Variants in RNF128 observed in about 807,000 individuals in gnomAD.
RNF128 encodes ring finger protein 128.
Under a neutral mutation model 26.2 loss-of-function variants are expected in RNF128, and 13 were observed. The observed-to-expected ratio is 0.50, with a 90% confidence interval of 0.32 to 0.79. The LOEUF is 0.79. Ranked by LOEUF, RNF128 falls within the 30% of genes least tolerant of loss-of-function variation. RNF128 has a pLI of 0.03. For synonymous variants in RNF128, 149 were observed against 142.5 expected (o/e 1.05, Z -0.32); for missense variants, 315 against 349.7 (o/e 0.90, Z 0.79).
chrX:106,791,083 A>T lies in RNF128; in HGVS notation c.1002A>T (p.Gly334=). The change falls in exon 6 of 7, where the codon GGA becomes GGT. Residue 334 remains glycine (G), a synonymous_variant. Coordinates refer to ENST00000255499, the MANE Select transcript of RNF128 (RefSeq NM_194463.2). ...ALGIEVDVED[G]SVSLQVPVSN... ...CTTTAAAGGTGGATGTTGAAGATGGATCAGTGTCTTTACAAGTCCCTGTAT... is the reference window on the plus strand; with the variant it reads ...CTTTAAAGGTGGATGTTGAAGATGGTTCAGTGTCTTTACAAGTCCCTGTAT... 1 of 1,207,530 alleles carries T rather than the reference A, an allele frequency of 8.3e-7. No homozygotes were observed. The highest frequency in any genetic ancestry group is 1.1e-6 in the Non-Finnish European group (1 of 892,722).
chrX:106,765,750 C>G lies in RNF128; in HGVS notation c.485-7163C>G, dbSNP rs181426900. 2.3e-3 allele frequency among the ~76,000 whole-genome samples: 251 copies of G among 111,133 alleles called. 3 individuals carry two copies. The East Asian group carries it at 0.047, about 21-fold the overall frequency. On this transcript the variant is annotated intron_variant, in intron 1 of 6. Transcript: ENST00000255499. ...TTATTATTATACTTTAAGTTCTAGGCTACATGTGCACAACATGCAGGTTTG... is the reference window on the plus strand; with the variant it reads ...TTATTATTATACTTTAAGTTCTAGGGTACATGTGCACAACATGCAGGTTTG...
chrX:106,786,324 G>A (rs2147701255), intron 3 of RNF128, among the ~76,000 whole-genome samples: 1 of 111,627 alleles, frequency 9.0e-6, no homozygotes, highest in East Asian at 2.8e-4. Flanking sequence ...AATGAAGAAA[G>A]GATAGCCTTT....
chrX:106,763,256 A>G (rs1930148472), intron 1 of RNF128, among the ~76,000 whole-genome samples: 1 of 110,644 alleles, frequency 9.0e-6, no homozygotes, highest in Non-Finnish European at 1.9e-5. Flanking sequence ...CTATATTAAG[A>G]CAGCAGAAAT....
chrX:106,707,781 T>G (rs1929067827), intron 1 of RNF128, among the ~76,000 whole-genome samples: 1 of 110,178 alleles, frequency 9.1e-6, no homozygotes, highest in Non-Finnish European at 1.9e-5. Context: ...CTTTGAGTCC[T>G]TGTTAAAAAG....
chrX:106,773,453 TC>T (rs1930412181), intron 2 of RNF128, among the ~76,000 whole-genome samples: 1 of 112,070 alleles, frequency 8.9e-6, no homozygotes, highest in African/African-American at 3.2e-5. Flanking sequence ...AACATTTTTT[TC>T]TAAATTACAA....
At chrX:106,729,024 G>T (rs974900765) in intron 1 of RNF128, among the ~76,000 whole-genome samples, 2 of 111,569 alleles carry the variant, frequency 1.8e-5, no homozygotes, top group Non-Finnish European at 3.8e-5. Flanking sequence ...TAATAGCAAG[G>T]GTTTGACTTT....
rs1929410799 is a variant in RNF128, at chrX:106,726,976, G to A, written c.63G>A (p.Leu21=). The A allele has an allele frequency of 5.8e-6, 7 of 1,196,746 alleles. No individual in the cohort carries two copies. The highest frequency in any genetic ancestry group is 7.9e-6 in the Non-Finnish European group (7 of 888,860). Reference sequence around the variant, plus strand: ...GTGGCTGCGGCTTTTCCAGATTGCTGGCATGGTGCTTCCTGCTGGCCCTGA... The same window carrying A: ...GTGGCTGCGGCTTTTCCAGATTGCTAGCATGGTGCTTCCTGCTGGCCCTGA... ...CRGGCGFSRL[L]AWCFLLALSP... The change falls in exon 1 of 7, where the codon CTG becomes CTA. Residue 21 remains leucine, a synonymous_variant. Coordinates refer to ENST00000255499, the MANE Select transcript of RNF128 (RefSeq NM_194463.2).
chrX:106,788,584 C>T (rs1325477045), intron 4 of RNF128, among the ~76,000 whole-genome samples: 2 of 51,437 alleles, frequency 3.9e-5, no homozygotes, highest in East Asian at 6.9e-4. Context: ...ATATATCTTA[C>T]ATAGTATATT....
At chrX:106,788,334 C>A (rs768732397) in intron 4 of RNF128, among the ~76,000 whole-genome samples, 50 of 43,713 alleles carry the variant, frequency 1.1e-3, no homozygotes, top group African/African-American at 3.1e-3. Flanking sequence ...ATTATATATA[C>A]TATATATAAT....
chrX:106,701,510 T>C (rs1928956161), intron 1 of RNF128, among the ~76,000 whole-genome samples: 1 of 111,796 alleles, frequency 8.9e-6, no homozygotes, highest in South Asian at 3.8e-4. Context: ...ATCCAATAGT[T>C]TACTGTTAGC....
Position 106,773,071 on chromosome X carries a change from T to G in RNF128, c.643T>G (p.Phe215Val). 8.3e-7 allele frequency: 1 copy of G among 1,210,515 alleles called. No homozygotes were observed. Among genetic ancestry groups the G allele is most frequent in the South Asian group, 1.8e-5 (1 of 56,944 alleles). Reference sequence around the variant, plus strand: ...TTCAATTTTTTTCGTTTCTGTGTCCTTTTTTATTATTACGGCGGCAACTGT... The same window carrying G: ...TTCAATTTTTTTCGTTTCTGTGTCCGTTTTTATTATTACGGCGGCAACTGT... ...HYSIFFVSVS[F>V]FIITAATVGY... The change falls in exon 2 of 7, where the codon TTT (phenylalanine) becomes GTT (valine). Residue 215 changes from phenylalanine to valine, a missense_variant. By Grantham distance (50) the Phe-to-Val change is conservative (BLOSUM62 -1). Coordinates refer to ENST00000255499, the MANE Select transcript of RNF128 (RefSeq NM_194463.2).
At chrX:106,754,303 T>C (rs1396203012) in intron 1 of RNF128, among the ~76,000 whole-genome samples, 2 of 108,255 alleles carry the variant, frequency 1.8e-5, no homozygotes, top group Non-Finnish European at 3.8e-5. Flanking sequence ...CACTGCAGCC[T>C]AAACCTACCA....
At chrX:106,707,538 T>A (rs1929063317) in intron 1 of RNF128, among the ~76,000 whole-genome samples, 1 of 111,300 alleles carries the variant, frequency 9.0e-6, no homozygotes, top group Admixed American at 9.6e-5. Context: ...ATAAATAAAT[T>A]ATTTTTTAAA....
chrX:106,722,185 A>G (rs1170563772), upstream of RNF128, among the ~76,000 whole-genome samples: 1 of 110,633 alleles, frequency 9.0e-6, no homozygotes, highest in African/African-American at 3.3e-5. Flanking sequence ...GTGAAACTAT[A>G]CTTAAATTAA....
chrX:106,795,768 G>A lies in RNF128; in HGVS notation c.*55G>A. ...TAGTAATAACAGAACTGCCAATCAG[G>A]GCCTAGTTTCTATTAATAAATTGGA... On this transcript the variant is annotated 3_prime_UTR_variant, in exon 7 of 7. Coordinates refer to ENST00000255499, the MANE Select transcript of RNF128 (RefSeq NM_194463.2). 4.1e-6 allele frequency: 4 copies of A among 978,956 alleles called. No homozygotes were observed. Among genetic ancestry groups the A allele is most frequent in the South Asian group, 5.8e-5 (2 of 34,240 alleles). 80.7% of individuals were successfully genotyped at this position (978,956 alleles called of 1,213,427 possible). A position where few individuals can be genotyped will look rare whatever the true frequency, so the allele number is the denominator to read the frequency against.
At chrX:106,783,332 A>G (rs747566953) in intron 2 of RNF128, among the ~76,000 whole-genome samples, 6 of 111,958 alleles carry the variant, frequency 5.4e-5, no homozygotes, top group African/African-American at 1.9e-4. Flanking sequence ...TATTTGTAGC[A>G]TTTGTAGCAA....
chrX:106,720,243 G>A (rs186590389), intron 1 of RNF128, among the ~76,000 whole-genome samples: 74 of 110,735 alleles, frequency 6.7e-4, no homozygotes, highest in African/African-American at 2.3e-3. Flanking sequence ...AGCAATCTGT[G>A]ATCCTCTCAA....
intron 1 of RNF128, among the ~76,000 whole-genome samples, chrX:106,750,772 A>C (rs1929870151): frequency 8.9e-6 from 1 of 111,739 alleles, no homozygotes; most frequent in African/African-American, 3.3e-5. Flanking sequence ...ATGCTGCTAG[A>C]AGCAACAACT....
At chrX:106,701,136 T>G (rs1397572496) in intron 1 of RNF128, among the ~76,000 whole-genome samples, 1 of 112,032 alleles carries the variant, frequency 8.9e-6, no homozygotes, top group East Asian at 2.8e-4. Flanking sequence ...TTCTCTTGAA[T>G]TTTCAAGATA....
Sources: gnomAD v4.1 joint callset for allele counts (sites outside exome capture counted in the v4.1 genomes callset) on GRCh38, gnomAD v4.1.1 for gene constraint, MANE v1.5 for transcripts, NCBI Gene and HGNC (gene_info 2026-07-23, HGNC 2026-07-21) for gene names.